Variants in NALF1 observed in about 807,000 individuals in gnomAD.
The protein encoded by NALF1 is family with sequence similarity 155 member A.
In NALF1, 3 loss-of-function variants were observed where a neutral mutation model predicts 48.4. That is an observed-to-expected ratio of 0.06 (90% CI 0.03 to 0.16). The LOEUF (loss-of-function observed/expected upper bound fraction) is 0.16. Ranked by LOEUF, NALF1 falls within the 10% of genes least tolerant of loss-of-function variation. The pLI, the probability that NALF1 is intolerant of heterozygous loss-of-function variation, is 1.00. For missense variants in NALF1, 526 were observed against 571.5 expected (o/e 0.92, Z 0.81); for synonymous variants, 262 against 245.7 (o/e 1.07, Z -0.62).
At chr13:107,440,193 G>C (rs1884533078) in intron 1 of NALF1, among the ~76,000 whole-genome samples, 1 of 152,074 alleles carries the variant, frequency 6.6e-6, no homozygotes, top group Non-Finnish European at 1.5e-5. Context: ...AATTTCTCTA[G>C]GTATTTTTGT....
intron 1 of NALF1, among the ~76,000 whole-genome samples, chr13:107,661,697 C>T (rs1880738857): frequency 6.6e-6 from 1 of 151,750 alleles, no homozygotes; most frequent in Non-Finnish European, 1.5e-5. Context: ...AACATCCTGT[C>T]ATCCATCATC....
chr13:107,345,227 A>C (rs1340359492), intron 1 of NALF1, among the ~76,000 whole-genome samples: 1 of 152,192 alleles, frequency 6.6e-6, no homozygotes, highest in Non-Finnish European at 1.5e-5. Context: ...AAATGTTTAT[A>C]CGACTCAAAG....
chr13:107,447,582 C>T (rs55999249), intron 1 of NALF1, among the ~76,000 whole-genome samples: 2,978 of 152,198 alleles, frequency 0.02, 104 homozygotes, highest in African/African-American at 0.068. Flanking sequence ...CTTCTTTATT[C>T]CTTTTTACAG....
chr13:107,618,236 C>A (rs10508185), intron 1 of NALF1, among the ~76,000 whole-genome samples: 7,187 of 152,024 alleles, frequency 0.047, 595 homozygotes, highest in African/African-American at 0.17. Flanking sequence ...ACAGTGTGGG[C>A]AAAACACTCC....
chr13:107,571,054 T>C (rs1176724885), intron 1 of NALF1, among the ~76,000 whole-genome samples: 5 of 152,176 alleles, frequency 3.3e-5, no homozygotes, highest in East Asian at 1.9e-4. Flanking sequence ...GAAAATACTT[T>C]TACAAACATC....
chr13:107,793,625 A>T (rs1019598855), intron 1 of NALF1, among the ~76,000 whole-genome samples: 1 of 152,162 alleles, frequency 6.6e-6, no homozygotes, highest in African/African-American at 2.4e-5. Context: ...TTTTAATATT[A>T]ATATTTCTTT....
Position 107,210,626 on chromosome 13 carries a change from C to T in NALF1, c.1045G>A (p.Asp349Asn), listed in dbSNP as rs375580438. ...GAGAGGCCTCCGTAGATGACTTCAT[C>T]ATTGTCGGGCAATATAAATGGACAC... Reference protein sequence around the residue: ...TRCPFILPDNDEVIYGGLSSF... With the variant: ...TRCPFILPDNNEVIYGGLSSF... Residue 349 changes from aspartate to asparagine, a missense_variant, in exon 2 of 3, where the codon GAT becomes AAT. Physicochemically the swap from Asp to Asn is conservative, Grantham distance 23. Coordinates refer to ENST00000375915, the MANE Select transcript of NALF1 (RefSeq NM_001080396.3). 1.9e-6 allele frequency: 3 copies of T among 1,613,700 alleles called. No homozygotes were observed. Among genetic ancestry groups the T allele is most frequent in the Non-Finnish European group, 2.5e-6 (3 of 1,179,634 alleles).
intron 1 of NALF1, among the ~76,000 whole-genome samples, chr13:107,771,053 T>C (rs1282553758): frequency 6.7e-6 from 1 of 149,094 alleles, no homozygotes; most frequent in Non-Finnish European, 1.5e-5. Flanking sequence ...ACAATTTCAT[T>C]TGAAATTGTA....
At chr13:107,331,658 T>A (rs534558472) in intron 1 of NALF1, among the ~76,000 whole-genome samples, 32 of 152,326 alleles carry the variant, frequency 2.1e-4, no homozygotes, top group Non-Finnish European at 4.0e-4. Flanking sequence ...CTAATCTGTT[T>A]TCTCTATACT....
intron 1 of NALF1, among the ~76,000 whole-genome samples, chr13:107,333,164 C>G (rs12853427): frequency 0.16 from 23,693 of 152,046 alleles, 2,459 homozygotes; most frequent in Non-Finnish European, 0.23. Context: ...TGTTTTATGC[C>G]TGTTTCTGAT....
chr13:107,414,761 T>C (rs767687404), intron 1 of NALF1, among the ~76,000 whole-genome samples: 3 of 152,032 alleles, frequency 2.0e-5, no homozygotes, highest in Non-Finnish European at 2.9e-5. Flanking sequence ...AAAATTTACT[T>C]CTAAATCTTG....
intron 1 of NALF1, among the ~76,000 whole-genome samples, chr13:107,447,947 A>G (rs1386982875): frequency 6.6e-6 from 1 of 152,130 alleles, no homozygotes; most frequent in Non-Finnish European, 1.5e-5. Flanking sequence ...GAAACATTTA[A>G]AAGTCTTCTG....
chr13:107,613,595 T>G (rs181063486), intron 1 of NALF1, among the ~76,000 whole-genome samples: 179 of 152,358 alleles, frequency 1.2e-3, no homozygotes, highest in Non-Finnish European at 2.1e-3. Flanking sequence ...CTTGGTTTTC[T>G]TATTTCTGGG....
In NALF1 at chr13:107,170,557, T is replaced by TG; in HGVS notation, c.1316dup (p.Ala440SerfsTer18). 6.2e-7 allele frequency: 1 copy of TG among 1,614,072 alleles called. No individual in the cohort carries two copies. ...TGATGCCTCCAAAGCTCAGTCCGGC[T>TG]GTGTTCTGTGCTGCCGAGGCTGTGA... On this transcript the variant is annotated frameshift_variant, in exon 3 of 3. Transcript: ENST00000375915. LOFTEE classifies it high-confidence loss of function.
intron 1 of NALF1, among the ~76,000 whole-genome samples, chr13:107,740,590 A>G (rs1329407840): frequency 2.6e-5 from 4 of 152,246 alleles, no homozygotes; most frequent in Non-Finnish European, 2.9e-5. Context: ...AAACACATGT[A>G]ACAGAAAACT....
intron 1 of NALF1, among the ~76,000 whole-genome samples, chr13:107,655,560 A>C (rs2138471506): frequency 6.6e-6 from 1 of 152,214 alleles, no homozygotes; most frequent in East Asian, 1.9e-4. Flanking sequence ...GCTAGAAATT[A>C]ATATTGTGAA....
At chr13:107,186,237 A>G (rs1016809369) in intron 2 of NALF1, among the ~76,000 whole-genome samples, 1 of 152,188 alleles carries the variant, frequency 6.6e-6, no homozygotes, top group Non-Finnish European at 1.5e-5. Flanking sequence ...TGTATCCCAC[A>G]CAGATGAGAG....
chr13:107,485,811 T>C (rs1885320251), intron 1 of NALF1, among the ~76,000 whole-genome samples: 1 of 152,222 alleles, frequency 6.6e-6, no homozygotes, highest in Admixed American at 6.5e-5. Context: ...CTCAGGGTCT[T>C]TGTTTAGGTG....
intron 1 of NALF1, among the ~76,000 whole-genome samples, chr13:107,514,449 C>CTATCTATG: frequency 6.6e-6 from 1 of 152,046 alleles, no homozygotes; most frequent in East Asian, 1.9e-4. Context: ...ATCTATCTAT[C>CTATCTATG]TATCTATCTA....
Sources: allele counts gnomAD v4.1 joint callset (sites outside exome capture counted in the v4.1 genomes callset), GRCh38; gene constraint gnomAD v4.1.1; transcripts MANE v1.5; gene names NCBI Gene and HGNC (gene_info 2026-07-23, HGNC 2026-07-21).